The following PRR23E variants were observed in gnomAD, a reference collection of about 807,000 sequenced individuals.
The protein encoded by PRR23E is PRR23 family member E, also known as proline-rich protein 23E.
At chr3:127,196,738 T>TCGAGGCCTC in the PRR23E span, 14 of 1,595,132 alleles carry the variant, frequency 8.8e-6, no homozygotes, top group Middle Eastern at 3.3e-4. Context: ...CGCCGTGCCT[T>TCGAGGCCTC]CGAGGCCTCC....
chr3:127,194,957 C>T, the PRR23E span, among the ~76,000 whole-genome samples: 2 of 152,168 alleles, frequency 1.3e-5, no homozygotes, highest in South Asian at 2.1e-4. Flanking sequence ...ACCTTGCCCA[C>T]GTTTCCATCT....
chr3:127,197,454 A>G, the PRR23E span: 6 of 1,458,266 alleles, frequency 4.1e-6, no homozygotes, highest in South Asian at 4.4e-5. Flanking sequence ...AATCAGAGAC[A>G]TGTCTGGTGG....
At chr3:127,195,190 C>T in the PRR23E span, among the ~76,000 whole-genome samples, 4 of 152,146 alleles carry the variant, frequency 2.6e-5, no homozygotes, top group African/African-American at 4.8e-5. Flanking sequence ...CCTAACTATC[C>T]GGGAGTGGGT....
the PRR23E span, chr3:127,193,295 A>G: frequency 6.6e-6 from 1 of 152,264 alleles, no homozygotes. Flanking sequence ...GAGAAAGAAC[A>G]AAGTTAGCCT....
the PRR23E span, chr3:127,196,653 C>G: frequency 2.6e-6 from 4 of 1,548,812 alleles, no homozygotes; most frequent in Admixed American, 1.8e-5. Context: ...TTGCCAGACA[C>G]TTCGGGGCTT....
the PRR23E span, among the ~76,000 whole-genome samples, chr3:127,194,357 C>T: frequency 1.3e-5 from 2 of 152,084 alleles, no homozygotes; most frequent in Non-Finnish European, 2.9e-5. Flanking sequence ...TTAAAAAATC[C>T]CGTAATGTTT....
the PRR23E span, chr3:127,197,493 T>C: frequency 5.4e-6 from 7 of 1,288,178 alleles, no homozygotes; most frequent in Non-Finnish European, 7.2e-6. Flanking sequence ...CTTTAAGTTT[T>C]TGGAAGAGTC....
chr3:127,197,608 C>A, the PRR23E span: 1 of 456,764 alleles, frequency 2.2e-6, no homozygotes, highest in Non-Finnish European at 3.7e-6. Context: ...TCTGTTTGCC[C>A]TTCAACCCTG....
chr3:127,196,496 T>A, the PRR23E span: 13 of 900,262 alleles, frequency 1.4e-5, no homozygotes, highest in African/African-American at 5.0e-5. Flanking sequence ...TCTTGGCTCT[T>A]CTGTCACCTC....
the PRR23E span, among the ~76,000 whole-genome samples, chr3:127,193,899 A>T: frequency 6.6e-6 from 1 of 152,240 alleles, no homozygotes; most frequent in African/African-American, 2.4e-5. Context: ...ATGATTTTGT[A>T]TAGCTTATTC....
the PRR23E span, among the ~76,000 whole-genome samples, chr3:127,196,272 C>T: frequency 6.6e-6 from 1 of 152,168 alleles, no homozygotes; most frequent in African/African-American, 2.4e-5. Flanking sequence ...TTAACTCTCC[C>T]TCCAGCAGGT....
At chr3:127,196,304 A>G in the PRR23E span, among the ~76,000 whole-genome samples, 4 of 152,198 alleles carry the variant, frequency 2.6e-5, no homozygotes, top group East Asian at 7.7e-4. Context: ...TTGGCCATCC[A>G]TACTCTCCAG....
chr3:127,196,222 C>T, the PRR23E span, among the ~76,000 whole-genome samples: 2 of 152,214 alleles, frequency 1.3e-5, no homozygotes, highest in East Asian at 3.9e-4. Context: ...TCTGGCTTTG[C>T]TGTTCCTTCA....
chr3:127,197,321 T>C, the PRR23E span: 1 of 1,598,070 alleles, frequency 6.3e-7, no homozygotes, highest in Non-Finnish European at 8.5e-7. Flanking sequence ...CTCTGCCCCC[T>C]TCCCCCATTG....
chr3:127,197,260 C>G, the PRR23E span: 9 of 1,599,320 alleles, frequency 5.6e-6, no homozygotes, highest in Non-Finnish European at 6.8e-6. Context: ...GAATGGGCCT[C>G]CAGGTTCGGT....
At chr3:127,197,262 A>G in the PRR23E span, 1 of 1,599,400 alleles carries the variant, frequency 6.3e-7, no homozygotes, top group East Asian at 2.2e-5. Context: ...ATGGGCCTCC[A>G]GGTTCGGTAT....
At chr3:127,196,904 A>G in the PRR23E span, 1 of 1,599,276 alleles carries the variant, frequency 6.3e-7, no homozygotes, top group Non-Finnish European at 8.5e-7. Flanking sequence ...AAGCTTACCC[A>G]GCCTTCTGGG....
the PRR23E span, among the ~76,000 whole-genome samples, chr3:127,193,691 AGGAAATCG>A: frequency 5.3e-5 from 8 of 152,208 alleles, no homozygotes; most frequent in African/African-American, 1.9e-4. Flanking sequence ...GCTTCGGACA[AGGAAATCG>A]GGTTTTGAAT....
chr3:127,196,203 C>T, the PRR23E span, among the ~76,000 whole-genome samples: 17 of 152,296 alleles, frequency 1.1e-4, no homozygotes, highest in East Asian at 1.7e-3. Flanking sequence ...GGGGTGGCCC[C>T]TGTGGATTTC....
Sources: gnomAD v4.1 joint callset for allele counts (sites outside exome capture counted in the v4.1 genomes callset) on GRCh38, gnomAD v4.1.1 for gene constraint, MANE v1.5 for transcripts, NCBI Gene and HGNC (gene_info 2026-07-23, HGNC 2026-07-21) for gene names.